Variants in DACH2 observed in about 807,000 individuals in gnomAD.
DACH2 encodes the protein dachshund family transcription factor 2.
Under a neutral mutation model 35.8 loss-of-function variants are expected in DACH2, and 17 were observed. The observed-to-expected ratio is 0.48, with a 90% CI of 0.33 to 0.71. DACH2 has a LOEUF of 0.71. Ranked by LOEUF, DACH2 falls within the 30% of genes least tolerant of loss-of-function variation. The pLI, the probability that DACH2 is intolerant of heterozygous loss-of-function variation, is 0.02. For synonymous variants in DACH2, 195 were observed against 177.3 expected (o/e 1.10, Z -0.79); for missense variants, 469 against 472.7 (o/e 0.99, Z 0.07).
intron 1 of DACH2, among the ~76,000 whole-genome samples, chrX:86,179,635 A>G (rs1252438351): frequency 2.7e-5 from 3 of 111,861 alleles, no homozygotes; most frequent in East Asian, 2.8e-4. Context: ...TTTGATATTA[A>G]CTTCACATTT....
chrX:86,261,600 CA>C (rs931533937), intron 1 of DACH2, among the ~76,000 whole-genome samples: 14 of 111,145 alleles, frequency 1.3e-4, no homozygotes, highest in African/African-American at 4.6e-4. Context: ...TTAAAACTGC[CA>C]AAAATGATTG....
intron 5 of DACH2, among the ~76,000 whole-genome samples, chrX:86,712,934 A>G (rs1321431331): frequency 9.0e-6 from 1 of 111,487 alleles, no homozygotes; most frequent in Non-Finnish European, 1.9e-5. Context: ...GTTAGGTTTT[A>G]TCCTTATGTA....
chrX:86,812,177 T>G (rs2147349565), intron 7 of DACH2, among the ~76,000 whole-genome samples: 1 of 111,752 alleles, frequency 8.9e-6, no homozygotes, highest in African/African-American at 3.2e-5. Context: ...AAAAACATGC[T>G]AAGAGAAAGA....
At chrX:86,653,085 A>G (rs890440995) in intron 4 of DACH2, among the ~76,000 whole-genome samples, 1 of 111,964 alleles carries the variant, frequency 8.9e-6, no homozygotes, top group East Asian at 2.8e-4. Flanking sequence ...TAGGAATTTA[A>G]TCCACTTTGA....
chrX:86,635,328 T>TAA lies in DACH2; in HGVS notation c.641-15690_641-15689dup, dbSNP rs77223425. On this transcript the variant is annotated intron_variant, in intron 3 of 11. Coordinates refer to ENST00000373125, the MANE Select transcript of DACH2 (RefSeq NM_053281.3). The stretch of plus-strand genomic sequence containing the variant: ...GATAAAATTTAACACTCCATAGTGT[T>TAA]AAAAAAAAAAAAAAAAAAACCTCTC... 2.1e-3 allele frequency among the ~76,000 whole-genome samples: 179 copies of TAA among 86,190 alleles called. 2 individuals are homozygous for TAA. Among genetic ancestry groups the TAA allele is most frequent in the Admixed American group, 4.6e-3 (34 of 7,319 alleles). The allele number at this position is 86,190 out of a possible 115,157, so 74.8% of individuals were successfully genotyped here. A position where few individuals can be genotyped will look rare whatever the true frequency, so the allele number is the denominator to read the frequency against.
chrX:86,324,111 G>C (rs1481592905), intron 1 of DACH2, among the ~76,000 whole-genome samples: 1 of 111,886 alleles, frequency 8.9e-6, no homozygotes, highest in Non-Finnish European at 1.9e-5. Context: ...AACTGCATGA[G>C]GTTAGAAAGG....
intron 2 of DACH2, among the ~76,000 whole-genome samples, chrX:86,394,475 A>G (rs2036251063): frequency 9.0e-6 from 1 of 111,502 alleles, no homozygotes; most frequent in South Asian, 3.7e-4. Flanking sequence ...AAAATTTAAA[A>G]TGTATTTAAT....
chrX:86,382,498 A>G (rs955716367), intron 2 of DACH2, among the ~76,000 whole-genome samples: 2 of 72,756 alleles, frequency 2.7e-5, no homozygotes, highest in Non-Finnish European at 5.8e-5. Context: ...ACACACACAC[A>G]CACACACGTC....
At chrX:86,342,415 G>A (rs1284680770) in intron 1 of DACH2, among the ~76,000 whole-genome samples, 1 of 111,320 alleles carries the variant, frequency 9.0e-6, no homozygotes, top group African/African-American at 3.3e-5. Flanking sequence ...GTGCAAGCCA[G>A]ACTGCTTGAG....
intron 2 of DACH2, among the ~76,000 whole-genome samples, chrX:86,459,700 T>G (rs773351337): frequency 9.0e-6 from 1 of 111,645 alleles, no homozygotes; most frequent in Admixed American, 9.6e-5. Context: ...ATGGTTAGCA[T>G]GGCAATAATT....
At chrX:86,315,832 CACACACACAG>C (rs1156856808) in intron 1 of DACH2, among the ~76,000 whole-genome samples, 5 of 75,458 alleles carry the variant, frequency 6.6e-5, no homozygotes, top group African/African-American at 1.8e-4. Context: ...CACACACACA[CACACACACAG>C]AGAGAGAGAG....
chrX:86,774,978 T>C (rs2042017438), intron 7 of DACH2, among the ~76,000 whole-genome samples: 1 of 111,552 alleles, frequency 9.0e-6, no homozygotes, highest in Non-Finnish European at 1.9e-5. Context: ...CTTCCATGTA[T>C]GCGCTGTTCT....
chrX:86,333,901 C>T (rs1217774474), intron 1 of DACH2, among the ~76,000 whole-genome samples: 2 of 111,290 alleles, frequency 1.8e-5, no homozygotes, highest in Non-Finnish European at 3.8e-5. Context: ...TGCTATCCCT[C>T]TCCTAGTCCC....
At chrX:86,666,016 T>G (rs2040664543) in intron 4 of DACH2, among the ~76,000 whole-genome samples, 1 of 111,239 alleles carries the variant, frequency 9.0e-6, no homozygotes, top group Admixed American at 9.6e-5. Flanking sequence ...TTCAGAAAAC[T>G]CATCATCATC....
intron 2 of DACH2, among the ~76,000 whole-genome samples, chrX:86,461,668 A>G (rs2037575974): frequency 9.0e-6 from 1 of 111,572 alleles, no homozygotes; most frequent in African/African-American, 3.2e-5. Context: ...TAGATGATTG[A>G]TATGACCCAT....
At chrX:86,789,580 A>C (rs16980623) in intron 7 of DACH2, among the ~76,000 whole-genome samples, 3 of 111,119 alleles carry the variant, frequency 2.7e-5, no homozygotes, top group Non-Finnish European at 3.8e-5. Context: ...GTTCTAAATC[A>C]TTGTGTTTAT....
intron 2 of DACH2, among the ~76,000 whole-genome samples, chrX:86,444,702 G>A (rs1260858040): frequency 9.1e-6 from 1 of 110,454 alleles, no homozygotes; most frequent in Non-Finnish European, 1.9e-5. Flanking sequence ...ATGGTTTGTT[G>A]ATTTTGTTTA....
At chrX:86,504,198 G>C (rs2038290461) in intron 2 of DACH2, among the ~76,000 whole-genome samples, 1 of 110,611 alleles carries the variant, frequency 9.0e-6, no homozygotes, top group African/African-American at 3.3e-5. Flanking sequence ...CCAAATAGCA[G>C]ATGAAACTGA....
chrX:86,693,266 T>C (rs1032465362), intron 4 of DACH2, among the ~76,000 whole-genome samples: 1 of 112,425 alleles, frequency 8.9e-6, no homozygotes, highest in Admixed American at 9.5e-5. Context: ...GAATGGCTTA[T>C]AGCAGGACCC....
Sources: gnomAD v4.1 joint callset for allele counts (sites outside exome capture counted in the v4.1 genomes callset) on GRCh38, gnomAD v4.1.1 for gene constraint, MANE v1.5 for transcripts, NCBI Gene and HGNC (gene_info 2026-07-23, HGNC 2026-07-21) for gene names.